ST8SIA4: variants seen among roughly 807,000 people sequenced by gnomAD.
ST8SIA4 encodes the protein CMP-N-acetylneuraminate-poly-alpha-2,8-sialyltransferase.
A neutral mutation model predicts 33.9 loss-of-function variants in ST8SIA4; 15 were observed. The observed-to-expected ratio is 0.44, with a 90% CI of 0.30 to 0.68. The LOEUF (loss-of-function observed/expected upper bound fraction) is 0.68. ST8SIA4 is among the 30% of genes least tolerant of loss of function. ST8SIA4 has a pLI of 0.10. For synonymous variants in ST8SIA4, 171 were observed against 151.2 expected (o/e 1.13, Z -0.96); for missense variants, 321 against 428.0 (o/e 0.75, Z 2.21).
rs146651250 is a variant in ST8SIA4 at position 100,875,414 on chromosome 5, A to G, written c.503+10929T>C. Among the ~76,000 whole-genome samples, 16 of 152,332 alleles carry G rather than the reference A, an allele frequency of 1.1e-4. No individual in the cohort carries two copies. The East Asian group carries it at 3.1e-3, about 29-fold the overall frequency. Reference sequence around the variant, plus strand: ...TAATTAGTTATCCTGACATATCTCAAAGACTTCAGATAAAGTTCTGAGTGG... The same window carrying G: ...TAATTAGTTATCCTGACATATCTCAGAGACTTCAGATAAAGTTCTGAGTGG... On this transcript the variant is annotated intron_variant, in intron 3 of 4. Transcript: ENST00000231461.
intron 4 of ST8SIA4, among the ~76,000 whole-genome samples, chr5:100,853,383 T>G (rs551823422): frequency 2.0e-5 from 3 of 152,332 alleles, no homozygotes; most frequent in Admixed American, 2.0e-4. Context: ...TAGAGCTACT[T>G]TCATTATTCT....
intron 3 of ST8SIA4, among the ~76,000 whole-genome samples, chr5:100,870,873 AATT>A (rs1486857302): frequency 6.6e-6 from 1 of 152,154 alleles, no homozygotes; most frequent in Non-Finnish European, 1.5e-5. Flanking sequence ...GTTTTATACA[AATT>A]ATAAAATTTC....
chr5:100,813,158 T>C (rs1044331805), intron 4 of ST8SIA4, among the ~76,000 whole-genome samples: 1 of 152,106 alleles, frequency 6.6e-6, no homozygotes, highest in African/African-American at 2.4e-5. Context: ...ATTTTCTTTT[T>C]CTCTAAAACT....
Position 100,886,577 on chromosome 5 carries a change from T to C in ST8SIA4, c.269A>G (p.Asp90Gly). 6.2e-7 allele frequency: 1 copy of C among 1,613,572 alleles called. No homozygotes were observed. The highest frequency in any genetic ancestry group is 8.5e-7 in the Non-Finnish European group (1 of 1,179,558). Residue 90 changes from aspartate to glycine, a missense_variant, in exon 3 of 5, where the codon GAT becomes GGT. By Grantham distance (94) the Asp-to-Gly change is moderately conservative (BLOSUM62 -1). Coordinates refer to ENST00000231461, the MANE Select transcript of ST8SIA4 (RefSeq NM_005668.6). ...GACCACTGACACATCTCGTTCTGCATCTAAGAAACGAAGTATGTTCTTCCT... is the reference window on the plus strand; with the variant it reads ...GACCACTGACACATCTCGTTCTGCACCTAAGAAACGAAGTATGTTCTTCCT... ...EIRKNILRFLDAERDVSVVKS... is the reference protein window; with the variant it reads ...EIRKNILRFLGAERDVSVVKS...
chr5:100,818,851 C>T (rs1750983312), intron 4 of ST8SIA4, among the ~76,000 whole-genome samples: 1 of 152,074 alleles, frequency 6.6e-6, no homozygotes, highest in Non-Finnish European at 1.5e-5. Context: ...CTATTCAGTA[C>T]CGATGTATGT....
intron 3 of ST8SIA4, among the ~76,000 whole-genome samples, chr5:100,856,995 C>A (rs1189105825): frequency 2.6e-5 from 4 of 152,064 alleles, no homozygotes; most frequent in African/African-American, 9.7e-5. Flanking sequence ...GTGGAGATGT[C>A]ATATTTAATA....
At position 100,808,043 on chromosome 5, in the gene ST8SIA4, C is replaced by G. The variant is rs1750730868; in HGVS notation, c.*3804G>C. The G allele has an allele frequency of 6.6e-6, 1 of 152,480 alleles. No individual in the cohort carries two copies. Among genetic ancestry groups the G allele is most frequent in the Non-Finnish European group, 1.5e-5 (1 of 67,964 alleles). 9.4% of individuals were successfully genotyped at this position (152,480 alleles called of 1,614,324 possible). ...AGAGATAACAACTAACTATACACAA[C>G]TCTTCCCATACCCCTTCCACAATTA... On this transcript the variant is annotated 3_prime_UTR_variant, in exon 5 of 5. Transcript: ENST00000231461.
chr5:100,815,332 C>G (rs1453246563), intron 4 of ST8SIA4, among the ~76,000 whole-genome samples: 1 of 151,938 alleles, frequency 6.6e-6, no homozygotes, highest in Admixed American at 6.6e-5. Flanking sequence ...ATATATGTTA[C>G]ATTCACATAT....
At chr5:100,874,562 C>A (rs1305717602) in intron 3 of ST8SIA4, among the ~76,000 whole-genome samples, 1 of 151,736 alleles carries the variant, frequency 6.6e-6, no homozygotes, top group Non-Finnish European at 1.5e-5. Flanking sequence ...TATTTCTCTG[C>A]CTGTCATCTC....
intron 4 of ST8SIA4, among the ~76,000 whole-genome samples, chr5:100,828,579 A>G (rs1453047746): frequency 6.6e-6 from 1 of 152,186 alleles, no homozygotes; most frequent in Admixed American, 6.5e-5. Flanking sequence ...TCTCAGGCCA[A>G]AAGTTGATTT....
intron 4 of ST8SIA4, among the ~76,000 whole-genome samples, chr5:100,844,901 T>G (rs925219290): frequency 6.6e-6 from 1 of 152,062 alleles, no homozygotes; most frequent in African/African-American, 2.4e-5. Context: ...CAGAAATGAC[T>G]CTTTCTTTGA....
At chr5:100,815,484 T>A (rs376863698) in intron 4 of ST8SIA4, among the ~76,000 whole-genome samples, 1 of 151,812 alleles carries the variant, frequency 6.6e-6, no homozygotes, top group East Asian at 1.9e-4. Flanking sequence ...TGTTTTATTA[T>A]TATACTTTCT....
chr5:100,891,002 A>T (rs886212126), intron 2 of ST8SIA4: 1 of 151,898 alleles, frequency 6.6e-6, no homozygotes, highest in Non-Finnish European at 1.5e-5. Context: ...GCAGAATCCC[A>T]GAAAATTAAT....
chr5:100,836,995 A>AAC lies in ST8SIA4; in HGVS notation c.797+19106_797+19107dup, dbSNP rs143119843. ...TAGGGAATTTTCTCATTAGTGCTAA[A>AAC]ACACACACACACACACACACACACA... is the stretch of plus-strand genomic sequence containing the variant. On this transcript the variant is annotated intron_variant, in intron 4 of 4. Transcript: ENST00000231461. 8.0e-3 allele frequency among the ~76,000 whole-genome samples: 1,173 copies of AAC among 146,372 alleles called. 5 individuals carry two copies. The highest frequency in any genetic ancestry group is 0.022 in the East Asian group (112 of 4,980).
Position 100,902,937 on chromosome 5 carries a change from T to C in ST8SIA4, c.19A>G (p.Arg7Gly). Residue 7 changes from arginine to glycine, a missense_variant, in exon 1 of 5, where the codon AGG becomes GGG. Arg to Gly is a moderately radical substitution (Grantham distance 125). Coordinates refer to ENST00000231461, the MANE Select transcript of ST8SIA4 (RefSeq NM_005668.6). ...AGACTTATTGTGCAGATCGTCCACC[T>C]CTTCCTAATGGAGCGCATCTTGGGT... MRSIRK[R>G]WTICTISLLL... The C allele has an allele frequency of 1.2e-6, 2 of 1,614,188 alleles. No homozygotes were observed. The highest frequency in any genetic ancestry group is 1.7e-6 in the Non-Finnish European group (2 of 1,180,012).
chr5:100,859,564 C>T lies in ST8SIA4; in HGVS notation c.504-3168G>A, dbSNP rs115550754. 5.8e-3 allele frequency among the ~76,000 whole-genome samples: 886 copies of T among 152,058 alleles called. 10 individuals carry two copies. Among genetic ancestry groups the T allele is most frequent in the African/African-American group, 0.02 (841 of 41,504 alleles). ...TCTCAATTTATTTGTGTTTATTCTC[C>T]AATATTGATTAAACACCTACAGGAA... On this transcript the variant is annotated intron_variant, in intron 3 of 4. Transcript: ENST00000231461.
At chr5:100,849,504 G>A (rs1751640435) in intron 4 of ST8SIA4, 4 of 975,312 alleles carry the variant, frequency 4.1e-6, no homozygotes, top group Non-Finnish European at 3.7e-6. Context: ...ACTGCTGGCT[G>A]AGCGCGGTGG....
intron 4 of ST8SIA4, among the ~76,000 whole-genome samples, chr5:100,838,086 G>T (rs1751399421): frequency 6.6e-6 from 1 of 151,958 alleles, no homozygotes; most frequent in Admixed American, 6.6e-5. Context: ...AATGAATCAG[G>T]CTTGTTATCA....
chr5:100,880,721 C>A (rs1416740205), intron 3 of ST8SIA4, among the ~76,000 whole-genome samples: 1 of 152,102 alleles, frequency 6.6e-6, no homozygotes, highest in African/African-American at 2.4e-5. Context: ...CAGTGGATGT[C>A]ATGAGAAATC....
Sources: allele counts gnomAD v4.1 joint callset (sites outside exome capture counted in the v4.1 genomes callset), GRCh38; gene constraint gnomAD v4.1.1; transcripts MANE v1.5; gene names NCBI Gene and HGNC (gene_info 2026-07-23, HGNC 2026-07-21).